ELAC2: variants seen among roughly 807,000 people sequenced by gnomAD.
ELAC2 encodes the protein elaC ribonuclease Z 2.
A neutral mutation model predicts 105.2 loss-of-function variants in ELAC2; 92 were observed. The observed-to-expected ratio is 0.87, with a 90% CI of 0.74 to 1.04. The LOEUF is 1.04. Ranked by LOEUF, ELAC2 falls within the 50% of genes least tolerant of loss-of-function variation. The pLI, the probability that ELAC2 is intolerant of heterozygous loss-of-function variation, is 0.00. For synonymous variants in ELAC2, 468 were observed against 409.1 expected (o/e 1.14, Z -1.74); for missense variants, 1,099 against 1,071.7 (o/e 1.03, Z -0.36).
At chr17:13,000,124 A>G (rs528583908) in intron 15 of ELAC2, 32 bp downstream of exon 15, 3 of 1,594,026 alleles carry the variant, frequency 1.9e-6, no homozygotes, top group African/African-American at 2.7e-5. Context: ...AGAGCCCAGG[A>G]AAGAAAGGCT....
chr17:13,000,428 G>T (rs2143592351), intron 14 of ELAC2, 154 bp from the exon 15 acceptor site: 1 of 745,290 alleles, frequency 1.3e-6, no homozygotes, highest in East Asian at 2.6e-5. Flanking sequence ...TCTGGGGCAG[G>T]TCTGCTCCAC....
At chr17:13,005,506 A>G (rs960743117) in intron 10 of ELAC2, among the ~76,000 whole-genome samples, 1 of 152,216 alleles carries the variant, frequency 6.6e-6, no homozygotes, top group Non-Finnish European at 1.5e-5. Context: ...CAAGGAAAGC[A>G]TGCACCCTTT....
intron 8 of ELAC2, among the ~76,000 whole-genome samples, chr17:13,008,981 GCTCA>G (rs1489821521): frequency 2.0e-5 from 3 of 152,294 alleles, no homozygotes; most frequent in Non-Finnish European, 1.5e-5. Context: ...TTTTCATCAT[GCTCA>G]CTGTTACCTA....
intron 16 of ELAC2, among the ~76,000 whole-genome samples, chr17:12,996,909 C>G (rs2040505560): frequency 6.6e-6 from 1 of 151,682 alleles, no homozygotes; most frequent in Admixed American, 6.6e-5. Flanking sequence ...ACCCTGAAAC[C>G]CTTTCAAGTA....
chr17:13,006,162 G>A (rs984665595), intron 8 of ELAC2, 183 bp from the exon 9 acceptor site: 11 of 658,378 alleles, frequency 1.7e-5, no homozygotes, highest in Non-Finnish European at 3.0e-5. Context: ...CCTGAGGTCA[G>A]GAGTTTGAGA....
intron 22 of ELAC2, 145 bp from the exon 23 acceptor site, chr17:12,993,976 A>ATAGCACC: frequency 1.8e-6 from 2 of 1,126,446 alleles, no homozygotes; most frequent in Non-Finnish European, 1.3e-6. Context: ...TAGCCAGCAC[A>ATAGCACC]ATCTCCCCTG....
Position 12,993,079 on chromosome 17 carries a change from CAGAGGG to C in ELAC2, c.2254-40_2254-35del, listed in dbSNP as rs749364898. On this transcript the variant is annotated intron_variant, in intron 23 of 23. Coordinates refer to ENST00000338034, the MANE Select transcript of ELAC2 (RefSeq NM_018127.7). Reference sequence around the variant, plus strand: ...CACAATAGAAGACAAGGACATGTCTCAGAGGGGCAGGGGTGGGGGACAGGAGCTGGA... The same window carrying C: ...CACAATAGAAGACAAGGACATGTCTCGCAGGGGTGGGGGACAGGAGCTGGA... The C allele has an allele frequency of 3.8e-6, 6 of 1,591,272 alleles. No homozygotes were observed. In the Admixed American group the frequency reaches 5.0e-5, roughly 13 times the overall value.
In ELAC2 at chr17:12,996,717, C is replaced by T. The variant is rs1328679848; in HGVS notation, c.1521-32G>A. On this transcript the variant is annotated intron_variant, in intron 16 of 23. Coordinates refer to ENST00000338034, the MANE Select transcript of ELAC2 (RefSeq NM_018127.7). The stretch of plus-strand genomic sequence containing the variant: ...AAGAGAAGAGGAAGAGAGTCACTGC[C>T]ACTAGGAAGACTGCTGATGGTTCAG... The T allele has an allele frequency of 1.9e-6, 3 of 1,608,624 alleles. No homozygotes were observed. The South Asian group carries it at 3.3e-5, about 18-fold the overall frequency.
In ELAC2 at chr17:13,003,567, C is replaced by T. The variant is rs374542980; in HGVS notation, c.991G>A (p.Gly331Arg). The T allele has an allele frequency of 6.2e-7, 1 of 1,614,000 alleles. No individual in the cohort carries two copies. Among genetic ancestry groups the T allele is most frequent in the Non-Finnish European group, 8.5e-7 (1 of 1,179,980 alleles). ...CENATFQRYQ[G>R]KADAPVALVV... is the part of the protein sequence containing the mutation. ...AAGGCCACGGGGGCATCTGCCTTTC[C>T]TTGGTACCTGGGCAGAAGAGTGGGG... Residue 331 changes from glycine (G) to arginine (R), a missense_variant, in exon 12 of 24, where the codon GGA becomes AGA. Coordinates refer to ENST00000338034, the MANE Select transcript of ELAC2 (RefSeq NM_018127.7).
chr17:12,993,927 C>G, intron 22 of ELAC2, 96 bp from the exon 23 acceptor site: 3 of 1,574,890 alleles, frequency 1.9e-6, no homozygotes, highest in East Asian at 2.3e-5. Flanking sequence ...TGCCAGGGCA[C>G]CCGGGGAAGC....
intron 14 of ELAC2, chr17:13,000,573 G>A: frequency 4.7e-6 from 2 of 424,026 alleles, no homozygotes; most frequent in South Asian, 4.2e-5. Flanking sequence ...CCCACTAGCA[G>A]CACCACTACC....
intron 14 of ELAC2, 37 bp downstream of exon 14, chr17:13,002,237 G>A (rs370723010): frequency 4.1e-5 from 66 of 1,608,584 alleles, no homozygotes; most frequent in East Asian, 1.1e-4. Flanking sequence ...TTCCCAACTC[G>A]ACTGAGACGA....
intron 14 of ELAC2, 169 bp from the exon 15 acceptor site, chr17:13,000,443 T>G (rs1390643844): frequency 1.5e-6 from 1 of 684,352 alleles, no homozygotes; most frequent in Non-Finnish European, 2.6e-6. Context: ...CTCCACCGCC[T>G]TTTGGATGCT....
In ELAC2 at chr17:12,994,465, C is replaced by T. The variant is rs2040364520; in HGVS notation, c.2068G>A (p.Glu690Lys). The T allele has an allele frequency of 6.2e-7, 1 of 1,614,176 alleles. No individual in the cohort carries two copies. Among genetic ancestry groups the T allele is most frequent in the Non-Finnish European group, 8.5e-7 (1 of 1,180,030 alleles). Residue 690 changes from glutamate to lysine, a missense_variant, in exon 22 of 24, where the codon GAA (glutamate) becomes AAA (lysine). By Grantham distance (56) the Glu-to-Lys change is moderately conservative (BLOSUM62 1). Transcript: ENST00000338034. Reference sequence around the variant, plus strand: ...ACTGCTTCCTCTTCCAAACCATCTTCCAGGGTGGCTTCATGTATCAGGAGG... The same window carrying T: ...ACTGCTTCCTCTTCCAAACCATCTTTCAGGGTGGCTTCATGTATCAGGAGG... ...ATLLIHEATL[E>K]DGLEEEAVEK...
chr17:12,993,535 G>A (rs1349463372), intron 23 of ELAC2, 152 bp downstream of exon 23: 2 of 1,129,212 alleles, frequency 1.8e-6, no homozygotes, highest in East Asian at 2.6e-5. Context: ...GCAAACCCAG[G>A]GTGGTTCGAC....
chr17:13,010,548 G>T, intron 8 of ELAC2, 65 bp downstream of exon 8: 1 of 1,468,920 alleles, frequency 6.8e-7, no homozygotes, highest in Non-Finnish European at 9.5e-7. Flanking sequence ...TAATGAAAAA[G>T]TGCAAACCAG....
chr17:13,004,520 C>G (rs1322301381), intron 11 of ELAC2, among the ~76,000 whole-genome samples: 4 of 152,186 alleles, frequency 2.6e-5, no homozygotes. Flanking sequence ...TAGAGGACAA[C>G]AACAGAGTGG....
intron 17 of ELAC2, 91 bp downstream of exon 17, chr17:12,996,456 G>A: frequency 1.3e-6 from 2 of 1,593,384 alleles, no homozygotes; most frequent in East Asian, 2.2e-5. Context: ...GGGCAAGTTT[G>A]GAAGCGGAGG....
At chr17:12,993,646 T>G (rs2040317022) in intron 23 of ELAC2, 41 bp downstream of exon 23, 3 of 1,613,456 alleles carry the variant, frequency 1.9e-6, no homozygotes, top group African/African-American at 1.3e-5. Context: ...CCTGTCTCCC[T>G]GCCCCGTCCC....
Sources: gnomAD v4.1 joint callset for allele counts (sites outside exome capture counted in the v4.1 genomes callset) on GRCh38, gnomAD v4.1.1 for gene constraint, MANE v1.5 for transcripts, NCBI Gene and HGNC (gene_info 2026-07-23, HGNC 2026-07-21) for gene names.